RXRA: variants seen among roughly 807,000 people sequenced by gnomAD.
RXRA encodes retinoid X receptor alpha.
In RXRA, 5 loss-of-function variants were observed where a neutral mutation model predicts 44.5. The ratio of observed to expected loss-of-function variants is 0.11; its 90% CI spans 0.06 to 0.24. RXRA has a LOEUF of 0.24. RXRA is among the 10% of genes least tolerant of loss of function. RXRA has a pLI of 1.00. For missense variants in RXRA, 412 were observed against 646.5 expected (o/e 0.64, Z 3.93); for synonymous variants, 291 against 271.4 (o/e 1.07, Z -0.71).
At chr9:134,422,834 G>A in intron 6 of RXRA, 3 of 985,456 alleles carry the variant, frequency 3.0e-6, no homozygotes, top group Non-Finnish European at 3.6e-6. Context: ...TGGAGGTTTG[G>A]GGGCTCTGGA....
chr9:134,362,483 G>A (rs1830364195), intron 1 of RXRA, among the ~76,000 whole-genome samples: 1 of 152,178 alleles, frequency 6.6e-6, no homozygotes, highest in Non-Finnish European at 1.5e-5. Flanking sequence ...CCCAGCTCCC[G>A]CCAGACCGTG....
Position 134,339,737 on chromosome 9 carries a change from A to G in RXRA, c.28+13078A>G, listed in dbSNP as rs1417919198. ...TGTTTGAGCCTGTGTGTGTGTGTCT[A>G]TGTGTGAGATCCCGTGTGTGTCTGT... On this transcript the variant is annotated intron_variant, in intron 1 of 9. Transcript: ENST00000481739. Among the ~76,000 whole-genome samples the G allele has an allele frequency of 5.0e-5, 5 of 99,500 alleles. No individual in the cohort carries two copies. In the East Asian group the frequency reaches 9.2e-4, roughly 18 times the overall value. The allele number at this position is 99,500 out of a possible 152,430, so 65.3% of individuals were successfully genotyped here.
chr9:134,346,272 G>T (rs782062978), intron 1 of RXRA, among the ~76,000 whole-genome samples: 1 of 151,884 alleles, frequency 6.6e-6, no homozygotes, highest in African/African-American at 2.4e-5. Flanking sequence ...CTGCCCTCCC[G>T]CGGCTTGCTG....
chr9:134,333,910 T>G (rs1362250792), intron 1 of RXRA, among the ~76,000 whole-genome samples: 1 of 152,190 alleles, frequency 6.6e-6, no homozygotes, highest in African/African-American at 2.4e-5. Context: ...TCTCCACCTG[T>G]GCAGGCTCAG....
At position 134,366,480 on chromosome 9, in the gene RXRA, G is replaced by C. The variant is rs1025200828; in HGVS notation, c.29-35152G>C. Among the ~76,000 whole-genome samples the C allele has an allele frequency of 1.3e-5, 2 of 152,144 alleles. No homozygotes were observed. Among genetic ancestry groups the C allele is most frequent in the African/African-American group, 4.8e-5 (2 of 41,418 alleles). On this transcript the variant is annotated intron_variant, in intron 1 of 9. Transcript: ENST00000481739. The surrounding 1 kb of genome is among the most constrained non-coding windows in gnomAD (Gnocchi z 5.9). ...GCGGTGTCGGTGGCAGAGTGGCCTGGCCACGGCGAGCTCCTGGCGGGAGTC... is the reference window on the plus strand; with the variant it reads ...GCGGTGTCGGTGGCAGAGTGGCCTGCCCACGGCGAGCTCCTGGCGGGAGTC...
intron 1 of RXRA, among the ~76,000 whole-genome samples, chr9:134,379,031 T>C (rs1233291955): frequency 1.3e-5 from 2 of 152,202 alleles, no homozygotes; most frequent in Non-Finnish European, 2.9e-5. Flanking sequence ...CGCCACCCAT[T>C]TGTCAGTCAG....
intron 1 of RXRA, among the ~76,000 whole-genome samples, chr9:134,388,557 T>A (rs1295206604): frequency 6.6e-6 from 1 of 152,184 alleles, no homozygotes; most frequent in Non-Finnish European, 1.5e-5. Context: ...TGACTGCTTG[T>A]CCTCTGGGGA....
intron 1 of RXRA, among the ~76,000 whole-genome samples, chr9:134,348,047 C>T (rs1228704976): frequency 1.3e-5 from 2 of 152,140 alleles, no homozygotes; most frequent in Non-Finnish European, 2.9e-5. Flanking sequence ...GTTGCAGTTA[C>T]AGCTGTGGCC....
intron 1 of RXRA, among the ~76,000 whole-genome samples, chr9:134,400,796 C>G (rs1433359111): frequency 6.6e-6 from 1 of 152,174 alleles, no homozygotes; most frequent in Non-Finnish European, 1.5e-5. Flanking sequence ...CCCTCTTGTT[C>G]CTGGCACACA....
intron 4 of RXRA, among the ~76,000 whole-genome samples, chr9:134,414,633 A>T (rs1831204230): frequency 6.6e-6 from 1 of 152,256 alleles, no homozygotes; most frequent in Non-Finnish European, 1.5e-5. Context: ...TTGAGCGCTC[A>T]GCCCTGCCCC....
chr9:134,414,118 A>G (rs1053144299), intron 4 of RXRA, among the ~76,000 whole-genome samples: 1 of 152,252 alleles, frequency 6.6e-6, no homozygotes, highest in African/African-American at 2.4e-5. Context: ...CAGCCTATAA[A>G]TAAAGCGATC....
At chr9:134,354,264 C>A (rs575406423) in intron 1 of RXRA, among the ~76,000 whole-genome samples, 2 of 152,334 alleles carry the variant, frequency 1.3e-5, no homozygotes, top group African/African-American at 4.8e-5. Flanking sequence ...GTCTCTGCGG[C>A]TAATCTAATG....
At chr9:134,358,106 C>T (rs763557014) in intron 1 of RXRA, among the ~76,000 whole-genome samples, 2 of 152,252 alleles carry the variant, frequency 1.3e-5, no homozygotes, top group African/African-American at 2.4e-5. Context: ...GGGCCGCTTC[C>T]AAGAGGGCTG....
chr9:134,412,177 A>G (rs1302971649), intron 4 of RXRA, among the ~76,000 whole-genome samples: 8 of 152,194 alleles, frequency 5.3e-5, no homozygotes, highest in Non-Finnish European at 8.8e-5. Context: ...GGAGAAAGCT[A>G]TGGGGCCAAG....
At chr9:134,373,486 C>A (rs1017227657) in intron 1 of RXRA, among the ~76,000 whole-genome samples, 2 of 152,262 alleles carry the variant, frequency 1.3e-5, no homozygotes, top group East Asian at 3.8e-4. Flanking sequence ...CCCAGAGAAG[C>A]AGCATTGTGT....
At chr9:134,420,226 G>A (rs979591549) in intron 5 of RXRA, among the ~76,000 whole-genome samples, 1 of 152,228 alleles carries the variant, frequency 6.6e-6, no homozygotes, top group Non-Finnish European at 1.5e-5. Flanking sequence ...TGCAGCCGAT[G>A]GGCAGGCGAG....
chr9:134,419,237 C>G (rs1048204690), intron 5 of RXRA, among the ~76,000 whole-genome samples: 1 of 152,222 alleles, frequency 6.6e-6, no homozygotes, highest in Non-Finnish European at 1.5e-5. Context: ...GTTTCATGAT[C>G]CAGCAGAAAA....
At chr9:134,399,650 G>A (rs952784899) in intron 1 of RXRA, among the ~76,000 whole-genome samples, 2 of 152,222 alleles carry the variant, frequency 1.3e-5, no homozygotes, top group African/African-American at 4.8e-5. Flanking sequence ...TAGCCAGTAG[G>A]TGCCACCAAC....
chr9:134,383,425 C>A (rs901550414), intron 1 of RXRA, among the ~76,000 whole-genome samples: 7 of 152,172 alleles, frequency 4.6e-5, no homozygotes, highest in Non-Finnish European at 1.0e-4. Flanking sequence ...AGTCTTGGAC[C>A]TTGCCTGTCC....
Sources: gnomAD v4.1 joint callset for allele counts (sites outside exome capture counted in the v4.1 genomes callset) on GRCh38, gnomAD v4.1.1 for gene constraint, Gnocchi (gnomAD v3.1) non-coding constraint, MANE v1.5 for transcripts, NCBI Gene and HGNC (gene_info 2026-07-23, HGNC 2026-07-21) for gene names.